The following METAP1D variants were observed in gnomAD, a reference collection of about 807,000 sequenced individuals.
The protein encoded by METAP1D is methionine aminopeptidase 1D, mitochondrial.
A neutral mutation model predicts 40.5 loss-of-function variants in METAP1D; 31 were observed. The observed-to-expected ratio is 0.77, with a 90% CI of 0.58 to 1.03. The LOEUF is 1.03. METAP1D is among the 50% of genes least tolerant of loss of function. The probability of loss-of-function intolerance (pLI) is 0.00; values close to 1 mark genes in which losing one functional copy is unlikely to be tolerated. For synonymous variants in METAP1D, 151 were observed against 146.4 expected (o/e 1.03, Z -0.22); for missense variants, 411 against 420.7 (o/e 0.98, Z 0.20).
At chr2:172,052,819 A>C (rs1689914022) in intron 1 of METAP1D, among the ~76,000 whole-genome samples, 1 of 152,218 alleles carries the variant, frequency 6.6e-6, no homozygotes, top group Non-Finnish European at 1.5e-5. Context: ...AACATCTGTC[A>C]ACAGATGAAT....
At chr2:172,014,283 T>G (rs996385799) in intron 1 of METAP1D, among the ~76,000 whole-genome samples, 6 of 152,000 alleles carry the variant, frequency 3.9e-5, no homozygotes, top group African/African-American at 7.3e-5. Flanking sequence ...GGCTAATTTT[T>G]GTATTTTTAA....
intron 1 of METAP1D, among the ~76,000 whole-genome samples, chr2:172,022,089 C>T (rs767832271): frequency 8.5e-5 from 13 of 152,126 alleles, no homozygotes; most frequent in Non-Finnish European, 1.2e-4. Flanking sequence ...TACCTGGTGG[C>T]GCCTATATTT....
At chr2:172,035,220 A>C (rs1689345015) in intron 1 of METAP1D, among the ~76,000 whole-genome samples, 2 of 151,900 alleles carry the variant, frequency 1.3e-5, no homozygotes, top group Admixed American at 1.3e-4. Context: ...GCTGGAGTGC[A>C]GTGGCCCGAT....
intron 1 of METAP1D, among the ~76,000 whole-genome samples, chr2:172,058,876 C>A (rs1037965519): frequency 2.0e-5 from 3 of 152,142 alleles, no homozygotes; most frequent in African/African-American, 7.2e-5. Context: ...AGTGCCTTTC[C>A]CCAAGTCAAT....
At chr2:172,000,966 G>T (rs763816480) in intron 1 of METAP1D, among the ~76,000 whole-genome samples, 22 of 152,074 alleles carry the variant, frequency 1.4e-4, no homozygotes, top group Non-Finnish European at 2.8e-4. Flanking sequence ...TCGTACCACT[G>T]AACTCCAGAC....
chr2:172,055,100 C>T (rs1258763292), intron 1 of METAP1D, among the ~76,000 whole-genome samples: 1 of 152,212 alleles, frequency 6.6e-6, no homozygotes, highest in Non-Finnish European at 1.5e-5. Context: ...TCTCTAAAAA[C>T]ATCAGATTAG....
chr2:172,060,370 C>T (rs561998967), intron 1 of METAP1D, among the ~76,000 whole-genome samples: 14 of 148,906 alleles, frequency 9.4e-5, no homozygotes, highest in Non-Finnish European at 1.3e-4. Context: ...GAACCATGAT[C>T]GCACCACTGT....
rs190130542 is a variant in METAP1D, at chr2:172,034,454, C to T, written c.41-27044C>T. On this transcript the variant is annotated intron_variant, in intron 1 of 9. Coordinates refer to ENST00000315796, the MANE Select transcript of METAP1D (RefSeq NM_199227.3). ...GTGTTATTTCTGGTTAGGGCGTTGC[C>T]TATAAAATAGGTACAAGGTTATTTT... Among the ~76,000 whole-genome samples the T allele has an allele frequency of 1.5e-4, 23 of 151,748 alleles. No homozygotes were observed. In the East Asian group the frequency reaches 4.3e-3, roughly 28 times the overall value.
At chr2:172,075,141 A>G (rs952133862) in intron 6 of METAP1D, among the ~76,000 whole-genome samples, 10 of 152,248 alleles carry the variant, frequency 6.6e-5, no homozygotes, top group Non-Finnish European at 1.3e-4. Flanking sequence ...ATCAGACAGT[A>G]TAATAGGAAA....
intron 1 of METAP1D, among the ~76,000 whole-genome samples, chr2:172,011,425 C>T (rs1243425050): frequency 1.3e-5 from 2 of 152,106 alleles, no homozygotes; most frequent in East Asian, 3.9e-4. Context: ...GCTGGGACTA[C>T]AGGCGCCCGC....
chr2:172,063,359 G>A (rs1690178375), intron 2 of METAP1D, among the ~76,000 whole-genome samples: 1 of 152,154 alleles, frequency 6.6e-6, no homozygotes, highest in Non-Finnish European at 1.5e-5. Flanking sequence ...TTGGTGAATT[G>A]GAAGCTTGGT....
chr2:172,010,275 G>T (rs1688681709), intron 1 of METAP1D, among the ~76,000 whole-genome samples: 1 of 151,066 alleles, frequency 6.6e-6, no homozygotes, highest in Non-Finnish European at 1.5e-5. Flanking sequence ...CAAGTAGCTG[G>T]GACTACAGGT....
chr2:172,027,103 A>G (rs1280789497), intron 1 of METAP1D, among the ~76,000 whole-genome samples: 1 of 152,230 alleles, frequency 6.6e-6, no homozygotes, highest in African/African-American at 2.4e-5. Flanking sequence ...TCCTTTATTC[A>G]GCAAACCCAC....
At chr2:172,036,748 A>G (rs1574110172) in intron 1 of METAP1D, among the ~76,000 whole-genome samples, 1 of 152,182 alleles carries the variant, frequency 6.6e-6, no homozygotes, top group Non-Finnish European at 1.5e-5. Context: ...GTGTATACCT[A>G]GGATTGAATT....
chr2:172,071,208 C>G, intron 6 of METAP1D, 138 bp downstream of exon 6: 2 of 638,808 alleles, frequency 3.1e-6, no homozygotes, highest in Non-Finnish European at 2.3e-6. Flanking sequence ...AACTGCCAGG[C>G]TGCAATATTG....
chr2:172,034,724 A>C (rs1689329469), intron 1 of METAP1D, among the ~76,000 whole-genome samples: 1 of 152,252 alleles, frequency 6.6e-6, no homozygotes, highest in Non-Finnish European at 1.5e-5. Flanking sequence ...CAAGGGTTTT[A>C]TCAATTAGTT....
chr2:172,051,675 T>C (rs1308410598), intron 1 of METAP1D, among the ~76,000 whole-genome samples: 2 of 152,190 alleles, frequency 1.3e-5, no homozygotes, highest in African/African-American at 4.8e-5. Flanking sequence ...GCTGCTGCCC[T>C]TCCTCTCCCC....
chr2:172,064,596 G>A (rs974977532), intron 3 of METAP1D, among the ~76,000 whole-genome samples: 15 of 150,368 alleles, frequency 1.0e-4, no homozygotes, highest in African/African-American at 3.4e-4. Context: ...CTCCAGTCTG[G>A]GCAACAGAGT....
chr2:172,010,574 A>G (rs537889923), intron 1 of METAP1D, among the ~76,000 whole-genome samples: 1 of 141,640 alleles, frequency 7.1e-6, no homozygotes, highest in East Asian at 2.0e-4. Flanking sequence ...GCTCACTACA[A>G]CCTGTGCCTC....
Sources: allele counts gnomAD v4.1 joint callset (sites outside exome capture counted in the v4.1 genomes callset), GRCh38; gene constraint gnomAD v4.1.1; transcripts MANE v1.5; gene names NCBI Gene and HGNC (gene_info 2026-07-23, HGNC 2026-07-21).